NADSYN1: variants seen among roughly 807,000 people sequenced by gnomAD.
NADSYN1 encodes NAD synthetase 1.
NADSYN1 carries 80 observed loss-of-function variants against 99.3 expected under a neutral mutation model. The ratio of observed to expected loss-of-function variants is 0.81; its 90% CI spans 0.67 to 0.97. NADSYN1 has a LOEUF of 0.97. NADSYN1 is among the 50% of genes least tolerant of loss of function. NADSYN1 has a pLI of 0.00. For synonymous variants in NADSYN1, 385 were observed against 372.1 expected (o/e 1.03, Z -0.40); for missense variants, 859 against 948.5 (o/e 0.91, Z 1.24).
At chr11:71,478,630 C>T (rs1199234644) in intron 10 of NADSYN1, 161 bp downstream of exon 10, 7 of 646,690 alleles carry the variant, frequency 1.1e-5, no homozygotes, top group African/African-American at 5.4e-5. Context: ...GTGCCGCAGA[C>T]AGAACCTGCT....
chr11:71,478,444 C>A lies in NADSYN1; in HGVS notation c.848C>A (p.Ala283Glu), dbSNP rs376725452. 8.7e-6 allele frequency: 14 copies of A among 1,608,644 alleles called. No individual in the cohort carries two copies. Among genetic ancestry groups the A allele is most frequent in the South Asian group, 3.3e-5 (3 of 89,674 alleles). Residue 283 changes from alanine (A) to glutamate (E), a missense_variant, in exon 10 of 21, where the codon GCG becomes GAG. Coordinates refer to ENST00000319023, the MANE Select transcript of NADSYN1 (RefSeq NM_018161.5). The part of the protein sequence containing the change: ...LDLEDVRSYR[A>E]EISSRNLAAS... ...CTGGAGGACGTCCGGAGCTACAGGG[C>A]GGAGATTTCATCTCGAAACCTGGCG...
intron 4 of NADSYN1, 99 bp from the exon 5 acceptor site, chr11:71,463,954 C>T (rs938042595): frequency 1.3e-5 from 13 of 1,005,846 alleles, no homozygotes; most frequent in Non-Finnish European, 1.9e-5. Flanking sequence ...CAAGCTGACT[C>T]TGCATGGCAT....
intron 5 of NADSYN1, among the ~76,000 whole-genome samples, chr11:71,470,728 C>A (rs146058061): frequency 5.3e-5 from 8 of 152,284 alleles, no homozygotes; most frequent in African/African-American, 1.9e-4. Flanking sequence ...ACTCCACATT[C>A]AGGTCTTCTT....
At chr11:71,473,108 C>T (rs1949638639) in intron 6 of NADSYN1, among the ~76,000 whole-genome samples, 170 bp from the exon 7 acceptor site, 1 of 152,260 alleles carries the variant, frequency 6.6e-6, no homozygotes, top group South Asian at 2.1e-4. Flanking sequence ...CTGCCTGGCA[C>T]CACCCGGTGT....
At chr11:71,476,225 C>G (rs1484449691) in intron 9 of NADSYN1, 2 of 399,516 alleles carry the variant, frequency 5.0e-6, no homozygotes, top group African/African-American at 4.1e-5. Context: ...TCTTTGGACC[C>G]GACGGCCTTC....
intron 4 of NADSYN1, 63 bp from the exon 5 acceptor site, chr11:71,463,990 C>T: frequency 9.5e-6 from 13 of 1,373,106 alleles, no homozygotes; most frequent in Non-Finnish European, 1.3e-5. Context: ...TGGCACTGAC[C>T]ACCGCCAGTG....
At chr11:71,477,643 C>T (rs754793982) in intron 9 of NADSYN1, among the ~76,000 whole-genome samples, 22 of 152,204 alleles carry the variant, frequency 1.4e-4, no homozygotes, top group Non-Finnish European at 3.1e-4. Flanking sequence ...CTGCATATAC[C>T]GCAATTGGCA....
chr11:71,473,661 ATC>A lies in NADSYN1; in HGVS notation c.644_645del (p.Leu215ArgfsTer21). 1 of 1,612,864 alleles carries A rather than the reference ATC, an allele frequency of 6.2e-7. No homozygotes were observed. The highest frequency in any genetic ancestry group is 8.5e-7 in the Non-Finnish European group (1 of 1,179,574). ...CTGCGCAAAGCCAACACCAGGGTGG[ATC>A]TCGTGACTATGGTCACCAGCAAGGT... On this transcript the variant is annotated frameshift_variant, in exon 8 of 21. Transcript: ENST00000319023. LOFTEE classifies it high-confidence loss of function.
intron 20 of NADSYN1, among the ~76,000 whole-genome samples, chr11:71,500,457 G>C (rs899459460): frequency 2.6e-5 from 4 of 152,146 alleles, no homozygotes; most frequent in African/African-American, 9.7e-5. Context: ...TGTGCTCCCA[G>C]CATCCCGTGG....
Position 71,490,892 on chromosome 11 carries a change from A to G in NADSYN1, c.1610A>G (p.Asn537Ser). Residue 537 changes from asparagine to serine, a missense_variant, in exon 17 of 21, where the codon AAC becomes AGC. Physicochemically the swap from Asn to Ser is conservative, Grantham distance 46 (BLOSUM62 1). Coordinates refer to ENST00000319023, the MANE Select transcript of NADSYN1 (RefSeq NM_018161.5). ...TACGACTGCTCCAGTGCGGACATCA[A>G]CCCCATAGGCGGGATCAGCAAGACG... ...TKYDCSSADI[N>S]PIGGISKTDL... 6.2e-7 allele frequency: 1 copy of G among 1,613,982 alleles called. No individual in the cohort carries two copies. The highest frequency in any genetic ancestry group is 8.5e-7 in the Non-Finnish European group (1 of 1,179,968).
At chr11:71,456,499 C>T (rs1949516017) in intron 2 of NADSYN1, among the ~76,000 whole-genome samples, 1 of 152,218 alleles carries the variant, frequency 6.6e-6, no homozygotes, top group Admixed American at 6.5e-5. Flanking sequence ...GTCCGGGGGC[C>T]TGATCCTCAT....
chr11:71,500,366 A>T lies in NADSYN1; in HGVS notation c.2071-936A>T, dbSNP rs77542392. On this transcript the variant is annotated intron_variant, in intron 20 of 20. Coordinates refer to ENST00000319023, the MANE Select transcript of NADSYN1 (RefSeq NM_018161.5). The stretch of plus-strand genomic sequence containing the variant: ...AGGGTGGATCAGTGGCAGGGGTTCT[A>T]CATCTGGGACCGTTGACCCCCCGAG... Among the ~76,000 whole-genome samples, 508 of 108,202 alleles carry T rather than the reference A, an allele frequency of 4.7e-3. 5 individuals carry two copies. The highest frequency in any genetic ancestry group is 0.017 in the African/African-American group (491 of 28,912). The allele number at this position is 108,202 out of a possible 152,430, so 71.0% of individuals were successfully genotyped here. A position where few individuals can be genotyped will look rare whatever the true frequency, so the allele number is the denominator to read the frequency against.
At position 71,463,459 on chromosome 11, in the gene NADSYN1, C is replaced by T. The variant is rs767643446; in HGVS notation, c.291C>T (p.Tyr97=). The change falls in exon 4 of 21, where the codon TAC becomes TAT. Residue 97 remains tyrosine, a synonymous_variant. Coordinates refer to ENST00000319023, the MANE Select transcript of NADSYN1 (RefSeq NM_018161.5). ...GMPVMHRNVR[Y]NCRVIFLNRK... is the part of the protein sequence containing the mutation. ...CTGTAATGCACCGAAACGTCCGCTA[C>T]AACTGCAGAGTGATATTCCTCAACA... The T allele has an allele frequency of 1.2e-6, 2 of 1,614,128 alleles. No individual in the cohort carries two copies. Among genetic ancestry groups the T allele is most frequent in the Non-Finnish European group, 8.5e-7 (1 of 1,179,982 alleles).
At chr11:71,457,606 C>T (rs934608571) in intron 2 of NADSYN1, among the ~76,000 whole-genome samples, 1 of 152,244 alleles carries the variant, frequency 6.6e-6, no homozygotes, top group African/African-American at 2.4e-5. Flanking sequence ...TGTATTCTCT[C>T]ACAGTTCAGG....
Position 71,453,379 on chromosome 11 carries a change from A to G in NADSYN1, c.83A>G (p.Lys28Arg). 1 of 1,613,498 alleles carries G rather than the reference A, an allele frequency of 6.2e-7. No individual in the cohort carries two copies. ...GAGGGCAATTTGCAAAGAATTTTAA[A>G]GAGTGAGTCTGGGGCGGCGGGGGCA... The part of the protein sequence containing the change: ...DFEGNLQRIL[K>R]SIEIAKNRGA... Residue 28 changes from lysine to arginine, a missense_variant and splice_region_variant, in exon 1 of 21, where the codon AAG becomes AGG. Physicochemically the swap from Lys to Arg is conservative, Grantham distance 26. Coordinates refer to ENST00000319023, the MANE Select transcript of NADSYN1 (RefSeq NM_018161.5).
intron 2 of NADSYN1, among the ~76,000 whole-genome samples, chr11:71,455,934 CAAAAACAAAAAT>C (rs1949510906): frequency 1.3e-5 from 2 of 152,136 alleles, no homozygotes; most frequent in Admixed American, 6.5e-5. Context: ...CCTTCAAAAA[CAAAAACAAAAAT>C]GAAAACAAAA....
chr11:71,499,611 A>G (rs1315556467), intron 20 of NADSYN1: 1 of 152,186 alleles, frequency 6.6e-6, no homozygotes, highest in Admixed American at 6.5e-5. Context: ...AGAAAGGACA[A>G]TACAATCAAT....
Position 71,477,477 on chromosome 11 carries a change from G to C in NADSYN1, c.799-918G>C, listed in dbSNP as rs149318020. The C allele has an allele frequency of 2.3e-6, 3 of 1,282,474 alleles. No homozygotes were observed. In the African/African-American group the frequency reaches 4.6e-5, roughly 20 times the overall value. The allele number at this position is 1,282,474 out of a possible 1,614,324, so 79.4% of individuals were successfully genotyped here. On this transcript the variant is annotated intron_variant, in intron 9 of 20. Transcript: ENST00000319023. ...TTACGGCGGTAGGAGCAAGGGGCGC[G>C]CAAGGTGGCCACGGCCATCCTGTGA... is the stretch of plus-strand genomic sequence containing the variant.
intron 8 of NADSYN1, 41 bp downstream of exon 8, chr11:71,473,727 C>A: frequency 7.0e-7 from 1 of 1,420,436 alleles, no homozygotes; most frequent in Non-Finnish European, 9.9e-7. Context: ...AGGGCAGACA[C>A]TGTATCTCAA....
Sources: gnomAD v4.1 joint callset for allele counts (sites outside exome capture counted in the v4.1 genomes callset) on GRCh38, gnomAD v4.1.1 for gene constraint, MANE v1.5 for transcripts, NCBI Gene and HGNC (gene_info 2026-07-23, HGNC 2026-07-21) for gene names.